SLC44A5: variants seen among roughly 807,000 people sequenced by gnomAD.
SLC44A5 encodes choline transporter-like protein 5.
SLC44A5 carries 57 observed loss-of-function variants against 101.8 expected under a neutral mutation model. That is an observed-to-expected ratio of 0.56 (90% CI 0.45 to 0.70). The LOEUF (loss-of-function observed/expected upper bound fraction) is 0.70, where lower values mean the gene tolerates loss of function less well. SLC44A5 is among the 30% of genes least tolerant of loss of function. The pLI, the probability that SLC44A5 is intolerant of heterozygous loss-of-function variation, is 0.00. For missense variants in SLC44A5, 737 were observed against 853.1 expected (o/e 0.86, Z 1.70); for synonymous variants, 281 against 290.9 (o/e 0.97, Z 0.35).
At chr1:75,236,384 GTGAC>G (rs532798168) in intron 11 of SLC44A5, among the ~76,000 whole-genome samples, 23 of 152,148 alleles carry the variant, frequency 1.5e-4, no homozygotes, top group African/African-American at 4.8e-4. Context: ...TTCCAGTCCA[GTGAC>G]TACATTTCCT....
At chr1:75,495,208 C>T (rs552338473) in intron 2 of SLC44A5, among the ~76,000 whole-genome samples, 24 of 152,276 alleles carry the variant, frequency 1.6e-4, no homozygotes, top group Admixed American at 1.5e-3. Flanking sequence ...ATAATCCCAG[C>T]ACTTTGGGAG....
At chr1:75,425,891 C>T (rs907134995) in intron 2 of SLC44A5, among the ~76,000 whole-genome samples, 5 of 152,220 alleles carry the variant, frequency 3.3e-5, no homozygotes, top group Non-Finnish European at 7.3e-5. Flanking sequence ...CCCTCCCTTC[C>T]TCCCTTTCAG....
chr1:75,269,571 T>A (rs1651285062), intron 6 of SLC44A5, among the ~76,000 whole-genome samples: 1 of 152,166 alleles, frequency 6.6e-6, no homozygotes, highest in South Asian at 2.1e-4. Context: ...AGTGTTTATT[T>A]TGGTATAAGA....
chr1:75,591,404 C>G (rs1382903173), intron 1 of SLC44A5, among the ~76,000 whole-genome samples: 1 of 152,136 alleles, frequency 6.6e-6, no homozygotes, highest in Non-Finnish European at 1.5e-5. Context: ...AGTGGTTAAA[C>G]CCACTTGATC....
In SLC44A5 at chr1:75,242,081, G is replaced by A. The variant is rs777521571; in HGVS notation, c.472-20C>T. On this transcript the variant is annotated intron_variant, in intron 8 of 23. Transcript: ENST00000370859. ...GAGAGACTAAAATAGAAGGAAGAAC[G>A]TTAACATTTCAAAGGCCATGTGATG... 2.5e-5 allele frequency: 40 copies of A among 1,603,216 alleles called. No homozygotes were observed. The highest frequency in any genetic ancestry group is 2.0e-4 in the South Asian group (18 of 90,528).
At chr1:75,442,944 T>G (rs1665292931) in intron 2 of SLC44A5, among the ~76,000 whole-genome samples, 1 of 152,192 alleles carries the variant, frequency 6.6e-6, no homozygotes, top group African/African-American at 2.4e-5. Context: ...CAAACATGCA[T>G]ACTTCCACAT....
chr1:75,588,782 A>G (rs1039013732), intron 1 of SLC44A5, among the ~76,000 whole-genome samples: 5 of 152,256 alleles, frequency 3.3e-5, no homozygotes, highest in Non-Finnish European at 5.9e-5. Flanking sequence ...TATTTCTTCC[A>G]CAAATAATTG....
At chr1:75,667,010 C>T in the SLC44A5 span, among the ~76,000 whole-genome samples, 1 of 152,132 alleles carries the variant, frequency 6.6e-6, no homozygotes, top group Non-Finnish European at 1.5e-5. Context: ...GGAAGCATTC[C>T]CTCTGAAAAC....
At chr1:75,268,143 G>A (rs1482561809) in intron 6 of SLC44A5, among the ~76,000 whole-genome samples, 2 of 152,046 alleles carry the variant, frequency 1.3e-5, no homozygotes, top group African/African-American at 2.4e-5. Flanking sequence ...TATCGGCTAC[G>A]TTTTGGCCTC....
chr1:75,240,214 G>A (rs186305567), intron 9 of SLC44A5, among the ~76,000 whole-genome samples: 2 of 152,066 alleles, frequency 1.3e-5, no homozygotes, highest in East Asian at 1.9e-4. Context: ...AATATTTTTT[G>A]AGAGTCAAAA....
At chr1:75,301,681 T>A (rs1338139670) in intron 4 of SLC44A5, among the ~76,000 whole-genome samples, 1 of 152,204 alleles carries the variant, frequency 6.6e-6, no homozygotes, top group Non-Finnish European at 1.5e-5. Context: ...CACACATTGA[T>A]AAAGCCTGTT....
intron 6 of SLC44A5, among the ~76,000 whole-genome samples, chr1:75,253,363 A>G (rs1158826709): frequency 6.6e-6 from 1 of 152,228 alleles, no homozygotes; most frequent in East Asian, 1.9e-4. Flanking sequence ...AAAGTGTCTG[A>G]AAACTATGTA....
intron 5 of SLC44A5, among the ~76,000 whole-genome samples, chr1:75,283,342 A>G (rs545373668): frequency 6.6e-6 from 1 of 151,704 alleles, no homozygotes; most frequent in Non-Finnish European, 1.5e-5. Flanking sequence ...TTTTGATCAG[A>G]TTCTTTGGTG....
At chr1:75,357,121 T>A (rs190042586) in intron 3 of SLC44A5, 3 of 448,986 alleles carry the variant, frequency 6.7e-6, no homozygotes, top group African/African-American at 2.0e-5. Flanking sequence ...CCCACATCCA[T>A]GCCATCCAAT....
At chr1:75,680,938 C>T in the SLC44A5 span, among the ~76,000 whole-genome samples, 9 of 149,662 alleles carry the variant, frequency 6.0e-5, no homozygotes, top group South Asian at 4.3e-4. Flanking sequence ...ATATCACCAC[C>T]GAACCCACAG....
At chr1:75,680,578 A>C in the SLC44A5 span, among the ~76,000 whole-genome samples, 1 of 151,532 alleles carries the variant, frequency 6.6e-6, no homozygotes, top group Non-Finnish European at 1.5e-5. Context: ...ACAAAGACAC[A>C]ACATACCAGA....
Position 75,214,741 on chromosome 1 carries a change from A to T in SLC44A5, c.1729-63T>A, listed in dbSNP as rs376947494. 129 of 1,341,644 alleles carry T rather than the reference A, an allele frequency of 9.6e-5. 2 individuals carry two copies. In the East Asian group the frequency reaches 2.0e-3, roughly 21 times the overall value. The allele number at this position is 1,341,644 out of a possible 1,614,324, so 83.1% of individuals were successfully genotyped here. A position where few individuals can be genotyped will look rare whatever the true frequency, so the allele number is the denominator to read the frequency against. ...CATACTCTAACAAGATCAAAAGACA[A>T]TCCAATGACAGGAAGGTAACCAAAT... On this transcript the variant is annotated intron_variant, in intron 19 of 23. Transcript: ENST00000370859.
At chr1:75,269,589 T>A (rs1651288886) in intron 6 of SLC44A5, among the ~76,000 whole-genome samples, 3 of 152,150 alleles carry the variant, frequency 2.0e-5, no homozygotes, top group Non-Finnish European at 4.4e-5. Context: ...AGATATGAGA[T>A]AAACATCCAA....
At chr1:75,614,203 G>A (rs1341136658), upstream of SLC44A5, among the ~76,000 whole-genome samples, 2 of 152,092 alleles carry the variant, frequency 1.3e-5, no homozygotes, top group Admixed American at 6.5e-5. Context: ...CTAATTATTT[G>A]ATATTATGAT....
Sources: gnomAD v4.1 joint callset for allele counts (sites outside exome capture counted in the v4.1 genomes callset) on GRCh38, gnomAD v4.1.1 for gene constraint, MANE v1.5 for transcripts, NCBI Gene and HGNC (gene_info 2026-07-23, HGNC 2026-07-21) for gene names.